Variants in CD200R1 observed in about 807,000 individuals in gnomAD.
CD200R1 encodes cell surface glycoprotein CD200 receptor 1.
In CD200R1, 30 loss-of-function variants were observed where a neutral mutation model predicts 38.1. The observed-to-expected ratio is 0.79, with a 90% confidence interval of 0.59 to 1.07. CD200R1 has a LOEUF of 1.07. Ranked by LOEUF, CD200R1 falls within the 50% of genes least tolerant of loss-of-function variation. The pLI is 0.00. For synonymous variants in CD200R1, 128 were observed against 152.1 expected (o/e 0.84, Z 1.16); for missense variants, 372 against 415.4 (o/e 0.90, Z 0.91).
At chr3:112,931,040 T>A (rs1412032112) in intron 3 of CD200R1, 66 bp downstream of exon 3, 1 of 1,141,144 alleles carries the variant, frequency 8.8e-7, no homozygotes, top group Non-Finnish European at 1.3e-6. Flanking sequence ...GGTCATTAGC[T>A]AATATTTCTA....
At chr3:112,967,218 T>A (rs1933190641) in intron 1 of CD200R1, among the ~76,000 whole-genome samples, 1 of 152,166 alleles carries the variant, frequency 6.6e-6, no homozygotes, top group South Asian at 2.1e-4. Flanking sequence ...CTTTCTCTCC[T>A]CTTGCTCCTT....
At chr3:112,944,226 C>T (rs1442207005) in intron 2 of CD200R1, among the ~76,000 whole-genome samples, 1 of 151,818 alleles carries the variant, frequency 6.6e-6, no homozygotes, top group African/African-American at 2.4e-5. Flanking sequence ...CATAAACATA[C>T]ATTTTTAAAT....
chr3:112,958,215 A>G (rs557812776), intron 1 of CD200R1, among the ~76,000 whole-genome samples: 15 of 152,294 alleles, frequency 9.8e-5, no homozygotes, highest in African/African-American at 1.7e-4. Flanking sequence ...GCAAATATGT[A>G]TTCAAAATTG....
At chr3:112,923,936 A>G in intron 7 of CD200R1, 137 bp from the exon 8 acceptor site, 1 of 557,760 alleles carries the variant, frequency 1.8e-6, no homozygotes, top group East Asian at 3.2e-5. Flanking sequence ...CTGGGCCTAT[A>G]TAAACATAAG....
intron 1 of CD200R1, among the ~76,000 whole-genome samples, chr3:112,948,767 G>A (rs1434324401): frequency 6.6e-6 from 1 of 152,192 alleles, no homozygotes. Flanking sequence ...CTCTTAGTGA[G>A]AATTGGTAGT....
chr3:112,931,579 C>G (rs573028218), intron 2 of CD200R1, among the ~76,000 whole-genome samples: 1 of 152,256 alleles, frequency 6.6e-6, no homozygotes, highest in South Asian at 2.1e-4. Flanking sequence ...GCACTTCACC[C>G]AGGTTAATAC....
At chr3:112,957,401 A>G (rs987387414) in intron 1 of CD200R1, among the ~76,000 whole-genome samples, 1 of 152,234 alleles carries the variant, frequency 6.6e-6, no homozygotes, top group Non-Finnish European at 1.5e-5. Flanking sequence ...ATAAAGAACT[A>G]CAAGTTATTC....
Position 112,971,145 on chromosome 3 carries a change from C to T in CD200R1, c.67+3646G>A, listed in dbSNP as rs74931755. Among the ~76,000 whole-genome samples, 762 of 152,196 alleles carry T rather than the reference C, an allele frequency of 5.0e-3. 9 individuals carry two copies. Among genetic ancestry groups the T allele is most frequent in the Non-Finnish European group, 9.1e-3 (618 of 68,008 alleles). On this transcript the variant is annotated intron_variant, in intron 1 of 7. Coordinates refer to ENST00000308611, the MANE Select transcript of CD200R1 (RefSeq NM_138806.4). The stretch of plus-strand genomic sequence containing the variant: ...TGGCAAAATTCAAGGATGCTCAAAT[C>T]CCTAATATAAAATGGTGTAGTATTT...
chr3:112,966,894 C>G (rs1559702601), intron 1 of CD200R1, among the ~76,000 whole-genome samples: 1 of 152,130 alleles, frequency 6.6e-6, no homozygotes, highest in East Asian at 1.9e-4. Flanking sequence ...TCCTCAATAC[C>G]AGCAATCTCG....
At chr3:112,936,078 G>T (rs1940571478) in intron 2 of CD200R1, among the ~76,000 whole-genome samples, 1 of 152,090 alleles carries the variant, frequency 6.6e-6, no homozygotes, top group South Asian at 2.1e-4. Context: ...GCATTAGTTT[G>T]CTGAGGATAA....
At chr3:112,924,994 C>T (rs1020609799) in intron 6 of CD200R1, 91 bp downstream of exon 6, 11 of 753,130 alleles carry the variant, frequency 1.5e-5, no homozygotes, top group Non-Finnish European at 2.5e-5. Flanking sequence ...ATGTTAACAT[C>T]CTAATATACC....
chr3:112,970,391 A>G (rs891916507), intron 1 of CD200R1, among the ~76,000 whole-genome samples: 1 of 152,134 alleles, frequency 6.6e-6, no homozygotes, highest in African/African-American at 2.4e-5. Flanking sequence ...TATTATATGA[A>G]TTATATAAAT....
intron 1 of CD200R1, among the ~76,000 whole-genome samples, chr3:112,949,690 A>C (rs968591800): frequency 6.6e-6 from 1 of 152,208 alleles, no homozygotes; most frequent in African/African-American, 2.4e-5. Flanking sequence ...ACACAACCCA[A>C]ATTAACCCAA....
At chr3:112,945,477 G>T (rs1339254739) in intron 2 of CD200R1, among the ~76,000 whole-genome samples, 2 of 152,172 alleles carry the variant, frequency 1.3e-5, no homozygotes, top group Non-Finnish European at 2.9e-5. Context: ...AACAAATGGT[G>T]TTGGAACGAC....
intron 2 of CD200R1, among the ~76,000 whole-genome samples, chr3:112,931,603 C>G (rs1416338239): frequency 1.3e-5 from 2 of 152,132 alleles, no homozygotes; most frequent in Non-Finnish European, 2.9e-5. Flanking sequence ...AGTGCCCTTT[C>G]TCAAGAATTT....
At chr3:112,974,655 G>C in intron 1 of CD200R1, 136 bp downstream of exon 1, 1 of 665,530 alleles carries the variant, frequency 1.5e-6, no homozygotes, top group Non-Finnish European at 2.7e-6. Context: ...AGATATGGGA[G>C]TAACCCATAT....
At chr3:112,949,834 G>C (rs1221878116) in intron 1 of CD200R1, among the ~76,000 whole-genome samples, 1 of 152,204 alleles carries the variant, frequency 6.6e-6, no homozygotes, top group Non-Finnish European at 1.5e-5. Context: ...TTCTAGATCT[G>C]AACGGGAATA....
At chr3:112,932,767 C>A (rs1940479163) in intron 2 of CD200R1, among the ~76,000 whole-genome samples, 1 of 152,026 alleles carries the variant, frequency 6.6e-6, no homozygotes. Flanking sequence ...CAGATCCACT[C>A]CCAGTGGACA....
chr3:112,973,351 G>A (rs1933356636), intron 1 of CD200R1, among the ~76,000 whole-genome samples: 2 of 152,156 alleles, frequency 1.3e-5, no homozygotes, highest in African/African-American at 4.8e-5. Context: ...TTTTTTCACT[G>A]ATGCTCTTCA....
Sources: gnomAD v4.1 joint callset for allele counts (sites outside exome capture counted in the v4.1 genomes callset) on GRCh38, gnomAD v4.1.1 for gene constraint, MANE v1.5 for transcripts, NCBI Gene and HGNC (gene_info 2026-07-23, HGNC 2026-07-21) for gene names.